Variants in BCL7C observed in about 807,000 individuals in gnomAD.
The protein encoded by BCL7C is B-cell CLL/lymphoma 7 protein family member C.
Under a neutral mutation model 26.2 loss-of-function variants are expected in BCL7C, and 8 were observed. That is an observed-to-expected ratio of 0.30 (90% CI 0.18 to 0.55). BCL7C has a LOEUF of 0.55. Among genes scored for constraint, BCL7C ranks in the 20% least tolerant of loss-of-function variants. The pLI, the probability that BCL7C is intolerant of heterozygous loss-of-function variation, is 0.93. For missense variants in BCL7C, 262 were observed against 298.5 expected, an observed-to-expected ratio of 0.88 and a Z score of 0.90; for synonymous variants, 90 against 116.5, an observed-to-expected ratio of 0.77 and a Z score of 1.47.
chr16:30,871,356 C>G (rs1330159570), intron 5 of BCL7C, among the ~76,000 whole-genome samples: 1 of 152,106 alleles, frequency 6.6e-6, no homozygotes, highest in Non-Finnish European at 1.5e-5. Context: ...GGACAAGTGA[C>G]TTCACTTCTC....
In BCL7C at chr16:30,834,935, T is replaced by C. The variant is rs937166676; in HGVS notation, c.*13A>G. The C allele has an allele frequency of 2.0e-6, 3 of 1,513,508 alleles. No homozygotes were observed. The highest frequency in any genetic ancestry group is 1.2e-5 in the South Asian group (1 of 80,306). 93.8% of individuals were successfully genotyped at this position (1,513,508 alleles called of 1,614,324 possible). A position where few individuals can be genotyped will look rare whatever the true frequency, so the allele number is the denominator to read the frequency against. On this transcript the variant is annotated 3_prime_UTR_variant, in exon 6 of 6. Transcript: ENST00000380317. The surrounding 1 kb of genome is among the most constrained non-coding windows in gnomAD (Gnocchi z 4.3). ...GGAGGCTTTAGGGGTCTTGGCTTGC[T>C]TGGGGAGCCCACTCACCTCCCCTTA...
At chr16:30,846,845 C>T (rs1052286534) in intron 5 of BCL7C, among the ~76,000 whole-genome samples, 4 of 152,216 alleles carry the variant, frequency 2.6e-5, no homozygotes, top group African/African-American at 7.2e-5. Flanking sequence ...AACCCATGGC[C>T]TGCAGTAGCA....
At chr16:30,869,695 T>A (rs1235047559) in intron 5 of BCL7C, among the ~76,000 whole-genome samples, 2 of 151,806 alleles carry the variant, frequency 1.3e-5, no homozygotes, top group African/African-American at 4.8e-5. Context: ...TTATTTTTTG[T>A]AGAGATGGGG....
chr16:30,888,556 C>T (rs1240932065), intron 5 of BCL7C, among the ~76,000 whole-genome samples: 2 of 151,932 alleles, frequency 1.3e-5, no homozygotes, highest in East Asian at 1.9e-4. Flanking sequence ...AGGATGGTCT[C>T]GATCTCCTGA....
At chr16:30,837,880 G>A (rs2054579098) in intron 5 of BCL7C, among the ~76,000 whole-genome samples, 1 of 152,198 alleles carries the variant, frequency 6.6e-6, no homozygotes, top group African/African-American at 2.4e-5. Context: ...GCCAGCCACT[G>A]GAGACATAAT....
At chr16:30,844,843 C>T (rs1420106966) in intron 5 of BCL7C, among the ~76,000 whole-genome samples, 1 of 152,208 alleles carries the variant, frequency 6.6e-6, no homozygotes, top group Non-Finnish European at 1.5e-5. Flanking sequence ...ATACATTTCT[C>T]CTTGCAAAGA....
intron 5 of BCL7C, among the ~76,000 whole-genome samples, chr16:30,837,898 A>G (rs1314342619): frequency 2.0e-5 from 3 of 152,196 alleles, no homozygotes; most frequent in Non-Finnish European, 2.9e-5. Flanking sequence ...AATGGTGAAC[A>G]ATGCAGGGCC....
At chr16:30,889,897 G>A (rs1040595564) in intron 4 of BCL7C, among the ~76,000 whole-genome samples, 4 of 146,970 alleles carry the variant, frequency 2.7e-5, no homozygotes, top group Non-Finnish European at 4.5e-5. Context: ...CTGCATTCCA[G>A]CCTGGGCGAC....
chr16:30,835,952 G>A (rs1201185438), intron 5 of BCL7C, among the ~76,000 whole-genome samples: 1 of 150,710 alleles, frequency 6.6e-6, no homozygotes, highest in Non-Finnish European at 1.5e-5. Flanking sequence ...TTGAAGCCAG[G>A]GGTTCAAGAC....
chr16:30,879,106 T>A (rs1596611730), intron 5 of BCL7C, among the ~76,000 whole-genome samples: 1 of 152,116 alleles, frequency 6.6e-6, no homozygotes, highest in African/African-American at 2.4e-5. Flanking sequence ...CCTGCTAGGG[T>A]GATGGTGATC....
chr16:30,855,601 G>A (rs2054713834), intron 5 of BCL7C, among the ~76,000 whole-genome samples: 2 of 152,086 alleles, frequency 1.3e-5, no homozygotes, highest in South Asian at 4.2e-4. Flanking sequence ...TCCTTTAATA[G>A]CTTCTGTCAC....
rs543690251 is a variant in BCL7C, at chr16:30,892,897, G to T, written c.223C>A (p.Arg75=). 1 of 1,612,856 alleles carries T rather than the reference G, an allele frequency of 6.2e-7. No homozygotes were observed. Residue 75 remains arginine, a synonymous_variant, in exon 3 of 6, where the codon CGG becomes AGG. Transcript: ENST00000215115. The part of the protein sequence containing the change: ...GAERSRGRER[R]GRGASPRGGG... ...CCTCGGGGACTGGCGCCCCTGCCCC[G>T]ACGTTCCCGGCCACGGGATCTCTCT...
At chr16:30,835,795 G>A (rs1053583350) in intron 5 of BCL7C, among the ~76,000 whole-genome samples, 10 of 151,834 alleles carry the variant, frequency 6.6e-5, no homozygotes, top group African/African-American at 2.4e-4. Context: ...GCAGTGAGCC[G>A]AGATCGCACC....
intron 5 of BCL7C, among the ~76,000 whole-genome samples, chr16:30,860,107 C>T (rs2054757608): frequency 6.6e-6 from 1 of 151,372 alleles, no homozygotes; most frequent in South Asian, 2.1e-4. Flanking sequence ...CCCTGTCCTT[C>T]CAATTCCAGG....
chr16:30,884,486 C>G (rs1178483236), downstream of BCL7C, among the ~76,000 whole-genome samples: 2 of 150,874 alleles, frequency 1.3e-5, no homozygotes, highest in African/African-American at 4.9e-5. Flanking sequence ...TCTCCTATCT[C>G]CATTTGTTTT....
intron 5 of BCL7C, among the ~76,000 whole-genome samples, chr16:30,869,417 C>G (rs1317116087): frequency 6.6e-6 from 1 of 151,480 alleles, no homozygotes; most frequent in Non-Finnish European, 1.5e-5. Context: ...CACTATGTTG[C>G]TGGCCTCGAA....
At chr16:30,881,769 C>T (rs2055047260) in intron 5 of BCL7C, among the ~76,000 whole-genome samples, 1 of 152,090 alleles carries the variant, frequency 6.6e-6, no homozygotes, top group Non-Finnish European at 1.5e-5. Flanking sequence ...TTGCAAGGCT[C>T]TCTCCCTCAC....
Position 30,887,824 on chromosome 16 carries a change from C to A in BCL7C, c.*41G>T. On this transcript the variant is annotated 3_prime_UTR_variant, in exon 6 of 6. Transcript: ENST00000215115. The stretch of plus-strand genomic sequence containing the variant: ...AAAAGGGTCTTTATTTGTAAAAAGC[C>A]AAAGGGGCCCCTGGGGCAACAGGAC... 1 of 1,536,364 alleles carries A rather than the reference C, an allele frequency of 6.5e-7. No homozygotes were observed. Among genetic ancestry groups the A allele is most frequent in the East Asian group, 2.5e-5 (1 of 40,228 alleles).
intron 5 of BCL7C, among the ~76,000 whole-genome samples, chr16:30,868,129 G>GTT (rs11404665): frequency 0.098 from 12,944 of 131,584 alleles, 2,124 homozygotes; most frequent in African/African-American, 0.32. Flanking sequence ...AAATCTGTGG[G>GTT]TTTTTTTTTT....
Sources: gnomAD v4.1 joint callset for allele counts (sites outside exome capture counted in the v4.1 genomes callset) on GRCh38, gnomAD v4.1.1 for gene constraint, Gnocchi (gnomAD v3.1) non-coding constraint, MANE v1.5 for transcripts, NCBI Gene and HGNC (gene_info 2026-07-23, HGNC 2026-07-21) for gene names.